TRPM3: variants seen among roughly 807,000 people sequenced by gnomAD.
TRPM3 encodes the protein transient receptor potential cation channel subfamily M member 3.
Under a neutral mutation model 181.2 loss-of-function variants are expected in TRPM3, and 77 were observed. That is an observed-to-expected ratio of 0.42 (90% confidence interval 0.35 to 0.51). The LOEUF (loss-of-function observed/expected upper bound fraction) is 0.51, where lower values mean the gene tolerates loss of function less well. Among genes scored for constraint, TRPM3 ranks in the 20% least tolerant of loss-of-function variants. The pLI is 0.01. For synonymous variants in TRPM3, 745 were observed against 796.4 expected (o/e 0.94, Z 1.09); for missense variants, 1,759 against 2,196.7 (o/e 0.80, Z 3.98).
At chr9:70,989,353 A>G (rs565941598) in intron 1 of TRPM3, among the ~76,000 whole-genome samples, 3 of 152,342 alleles carry the variant, frequency 2.0e-5, no homozygotes, top group East Asian at 1.9e-4. Flanking sequence ...ACATAAATGT[A>G]TGCCTCTTTC....
intron 1 of TRPM3, among the ~76,000 whole-genome samples, chr9:71,138,804 G>A (rs2074927955): frequency 1.3e-5 from 2 of 152,064 alleles, no homozygotes; most frequent in Non-Finnish European, 2.9e-5. Context: ...TCCCCTCGGT[G>A]TACTTACAAC....
intron 1 of TRPM3, among the ~76,000 whole-genome samples, chr9:71,054,771 T>G (rs1390159869): frequency 6.6e-6 from 1 of 152,082 alleles, no homozygotes; most frequent in Non-Finnish European, 1.5e-5. Flanking sequence ...GGGGCAGGAT[T>G]GGGGCAGAAG....
In TRPM3 at chr9:70,578,651, G is replaced by C. The variant is rs375532552; in HGVS notation, c.3223+12380C>G. On this transcript the variant is annotated intron_variant, in intron 22 of 25. Coordinates refer to ENST00000677713, the MANE Select transcript of TRPM3 (RefSeq NM_001366145.2). Reference sequence around the variant, plus strand: ...AACCCTGTAAGGGATGATCAATGGGGACCTGCAGCACTCTCTGCCTGGCTT... The same window carrying C: ...AACCCTGTAAGGGATGATCAATGGGCACCTGCAGCACTCTCTGCCTGGCTT... Among the ~76,000 whole-genome samples the C allele has an allele frequency of 7.9e-5, 12 of 152,338 alleles. No homozygotes were observed. In the South Asian group the frequency reaches 2.3e-3, roughly 29 times the overall value.
chr9:70,866,502 C>A (rs2095652233), intron 1 of TRPM3, among the ~76,000 whole-genome samples: 1 of 152,004 alleles, frequency 6.6e-6, no homozygotes, highest in Non-Finnish European at 1.5e-5. Flanking sequence ...GAGACAACAG[C>A]AATACCTGCA....
intron 1 of TRPM3, among the ~76,000 whole-genome samples, chr9:71,427,836 T>A (rs1202920878): frequency 6.6e-6 from 1 of 152,134 alleles, no homozygotes; most frequent in Non-Finnish European, 1.5e-5. Flanking sequence ...GATGATGGAT[T>A]CAACTGAACT....
intron 7 of TRPM3, among the ~76,000 whole-genome samples, chr9:70,778,893 C>A (rs1158125406): frequency 6.6e-6 from 1 of 152,156 alleles, no homozygotes; most frequent in East Asian, 1.9e-4. Flanking sequence ...ACTTCGGTTT[C>A]TAAAATGTCT....
chr9:71,197,626 G>A (rs1040884193), intron 1 of TRPM3, among the ~76,000 whole-genome samples: 3 of 152,002 alleles, frequency 2.0e-5, no homozygotes, highest in African/African-American at 7.2e-5. Context: ...GGCCAGTGAT[G>A]GTGAGCATTT....
intron 1 of TRPM3, among the ~76,000 whole-genome samples, chr9:71,428,267 T>TTG (rs1242047932): frequency 1.3e-5 from 2 of 151,280 alleles, no homozygotes; most frequent in African/African-American, 4.9e-5. Context: ...TTTTTTTTTT[T>TTG]TTTTTTTTAG....
intron 1 of TRPM3, among the ~76,000 whole-genome samples, chr9:71,088,776 T>G (rs2065697513): frequency 7.1e-6 from 1 of 141,024 alleles, no homozygotes; most frequent in South Asian, 2.3e-4. Context: ...TCATTAAACT[T>G]TCCTTTTTTT....
chr9:71,427,631 C>T (rs905384565), intron 1 of TRPM3, among the ~76,000 whole-genome samples: 16 of 152,146 alleles, frequency 1.1e-4, no homozygotes, highest in African/African-American at 3.4e-4. Flanking sequence ...CAGGTGGAGG[C>T]CATTATCGTA....
chr9:70,832,943 G>A (rs144903844), intron 5 of TRPM3, among the ~76,000 whole-genome samples: 1 of 152,120 alleles, frequency 6.6e-6, no homozygotes, highest in East Asian at 1.9e-4. Flanking sequence ...ATATTCTGCT[G>A]GCTTGAAGAG....
At chr9:71,214,380 C>T (rs2079711160) in intron 1 of TRPM3, among the ~76,000 whole-genome samples, 1 of 152,160 alleles carries the variant, frequency 6.6e-6, no homozygotes, top group Admixed American at 6.5e-5. Context: ...TACAACCCAG[C>T]ATCTCCATTC....
chr9:71,171,300 C>A (rs1384682991), intron 1 of TRPM3, among the ~76,000 whole-genome samples: 1 of 152,152 alleles, frequency 6.6e-6, no homozygotes, highest in African/African-American at 2.4e-5. Flanking sequence ...TTCTATTACC[C>A]TGTAAAGTAC....
intron 1 of TRPM3, among the ~76,000 whole-genome samples, chr9:70,878,921 G>A (rs995380212): frequency 3.9e-5 from 6 of 152,130 alleles, no homozygotes; most frequent in Non-Finnish European, 2.9e-5. Flanking sequence ...CCCTGTGCTG[G>A]AGGAAAATCA....
At chr9:70,597,174 C>T (rs1440702040) in intron 21 of TRPM3, among the ~76,000 whole-genome samples, 1 of 152,118 alleles carries the variant, frequency 6.6e-6, no homozygotes, top group Non-Finnish European at 1.5e-5. Flanking sequence ...CTCAGGTGAT[C>T]TGCCCACCCT....
intron 11 of TRPM3, among the ~76,000 whole-genome samples, chr9:70,636,564 T>A (rs1240424377): frequency 6.6e-6 from 1 of 152,220 alleles, no homozygotes; most frequent in Admixed American, 6.5e-5. Context: ...AATCTAAGTA[T>A]GTCCCATGCA....
chr9:71,310,792 A>C (rs1461682011), intron 1 of TRPM3, among the ~76,000 whole-genome samples: 1 of 152,156 alleles, frequency 6.6e-6, no homozygotes, highest in East Asian at 1.9e-4. Context: ...TACCCTGAGT[A>C]ACACACTTTA....
intron 1 of TRPM3, among the ~76,000 whole-genome samples, chr9:70,958,253 C>T (rs2097099845): frequency 6.6e-6 from 1 of 152,112 alleles, no homozygotes; most frequent in African/African-American, 2.4e-5. Context: ...TGGTTCTGTG[C>T]TACATGGGCA....
chr9:71,301,945 A>G (rs935787206), intron 1 of TRPM3, among the ~76,000 whole-genome samples: 4 of 152,140 alleles, frequency 2.6e-5, no homozygotes, highest in African/African-American at 9.7e-5. Flanking sequence ...GTAGTTAGAA[A>G]ATCTGATTAT....
Sources: allele counts gnomAD v4.1 joint callset (sites outside exome capture counted in the v4.1 genomes callset), GRCh38; gene constraint gnomAD v4.1.1; transcripts MANE v1.5; gene names NCBI Gene and HGNC (gene_info 2026-07-23, HGNC 2026-07-21).